Variants in ARID4B observed in about 807,000 individuals in gnomAD.
The protein encoded by ARID4B is AT-rich interactive domain-containing protein 4B.
A neutral mutation model predicts 147.5 loss-of-function variants in ARID4B; 26 were observed. The observed-to-expected ratio is 0.18, with a 90% CI of 0.13 to 0.24. The LOEUF is 0.24. ARID4B is among the 10% of genes least tolerant of loss of function. ARID4B has a pLI of 1.00. For synonymous variants in ARID4B, 512 were observed against 507.9 expected, an observed-to-expected ratio of 1.01 and a Z score of -0.11; for missense variants, 1,179 against 1,511.5, an observed-to-expected ratio of 0.78 and a Z score of 3.65.
At chr1:235,302,930 T>TTC (rs1673283909) in intron 2 of ARID4B, among the ~76,000 whole-genome samples, 1 of 116,000 alleles carries the variant, frequency 8.6e-6, no homozygotes, top group Non-Finnish European at 1.9e-5. Flanking sequence ...TATTCTTCTT[T>TTC]TTTTCTTTTT....
At position 235,309,044 on chromosome 1, in the gene ARID4B, G is replaced by A. The variant is rs549466599; in HGVS notation, c.6+17870C>T. On this transcript the variant is annotated intron_variant, in intron 2 of 23. Coordinates refer to ENST00000264183, the MANE Select transcript of ARID4B (RefSeq NM_016374.6). ...TAGGAAGTGAGGAGCGCCTCTTCCC[G>A]GCCGCCATCCCATCTAGGAAGTGAG... Among the ~76,000 whole-genome samples, 236 of 150,870 alleles carry A rather than the reference G, an allele frequency of 1.6e-3. 2 individuals carry two copies. Among genetic ancestry groups the A allele is most frequent in the African/African-American group, 5.3e-3 (214 of 40,670 alleles).
Position 235,273,196 on chromosome 1 carries a change from C to T in ARID4B, c.7-12444G>A, listed in dbSNP as rs191387905. The stretch of plus-strand genomic sequence containing the variant: ...GGGACTACAGGCGTGCACCACCCCA[C>T]CCAGCTAATTTCATGTGTGTGTATT... On this transcript the variant is annotated intron_variant, in intron 2 of 23. Coordinates refer to ENST00000264183, the MANE Select transcript of ARID4B (RefSeq NM_016374.6). 1.5e-3 allele frequency among the ~76,000 whole-genome samples: 227 copies of T among 152,238 alleles called. 2 individuals are homozygous for T. The highest frequency in any genetic ancestry group is 0.011 in the Admixed American group (170 of 15,284).
chr1:235,308,115 CAG>C (rs1356861974), intron 2 of ARID4B, among the ~76,000 whole-genome samples: 2 of 93,200 alleles, frequency 2.1e-5, no homozygotes, highest in Non-Finnish European at 4.3e-5. Flanking sequence ...TGGAGGGGGA[CAG>C]AGTCTTGCAT....
chr1:235,209,808 C>T (rs1386437966), intron 17 of ARID4B, among the ~76,000 whole-genome samples: 1 of 152,088 alleles, frequency 6.6e-6, no homozygotes, highest in Non-Finnish European at 1.5e-5. Flanking sequence ...AGGTGATCTG[C>T]CCGCCTCGGC....
chr1:235,173,814 G>A (rs1181783922), intron 22 of ARID4B, among the ~76,000 whole-genome samples: 2,951 of 36,624 alleles, frequency 0.081, 115 homozygotes, highest in African/African-American at 0.11. Context: ...ATATATATAT[G>A]TATACCTAAA....
At chr1:235,176,515 G>T (rs960677157) in intron 21 of ARID4B, among the ~76,000 whole-genome samples, 1 of 132,262 alleles carries the variant, frequency 7.6e-6, no homozygotes, top group East Asian at 2.4e-4. Flanking sequence ...AGTAAAGGTA[G>T]ATAGCAGCAA....
intron 4 of ARID4B, 144 bp from the exon 5 acceptor site, chr1:235,255,894 G>A (rs957800948): frequency 1.8e-5 from 10 of 567,120 alleles, no homozygotes; most frequent in African/African-American, 7.8e-5. Flanking sequence ...AGCAGTTGGC[G>A]TGAGCACAGT....
chr1:235,314,670 ACAG>A (rs1674307372), intron 2 of ARID4B, among the ~76,000 whole-genome samples: 1 of 152,208 alleles, frequency 6.6e-6, no homozygotes, highest in South Asian at 2.1e-4. Flanking sequence ...GTTAGAAACA[ACAG>A]CAAGGTTCCT....
At position 235,182,508 on chromosome 1, in the gene ARID4B, CTCT is replaced by C; in HGVS notation, c.2408_2410del (p.Lys803del). 1 of 1,613,160 alleles carries C rather than the reference CTCT, an allele frequency of 6.2e-7. No individual in the cohort carries two copies. Among genetic ancestry groups the C allele is most frequent in the Non-Finnish European group, 8.5e-7 (1 of 1,179,792 alleles). The stretch of plus-strand genomic sequence containing the variant: ...TGTTGTGTCCTTCTTGACATCCTTT[CTCT>C]TTTTTGTGACTTCATCTTCTTCATA... On this transcript the variant is annotated inframe_deletion, in exon 20 of 24. Coordinates refer to ENST00000264183, the MANE Select transcript of ARID4B (RefSeq NM_016374.6).
At chr1:235,183,980 T>C (rs1333168383) in intron 19 of ARID4B, among the ~76,000 whole-genome samples, 1 of 152,070 alleles carries the variant, frequency 6.6e-6, no homozygotes, top group African/African-American at 2.4e-5. Context: ...GGTCTCGTCA[T>C]GTTGCCAAGG....
At chr1:235,270,750 GTTAT>G (rs1455364075) in intron 2 of ARID4B, among the ~76,000 whole-genome samples, 1 of 152,180 alleles carries the variant, frequency 6.6e-6, no homozygotes, top group East Asian at 1.9e-4. Flanking sequence ...TTGAGAAGAG[GTTAT>G]TTGTCATCTT....
intron 2 of ARID4B, among the ~76,000 whole-genome samples, chr1:235,270,611 T>C (rs1481753637): frequency 6.6e-6 from 1 of 152,246 alleles, no homozygotes; most frequent in African/African-American, 2.4e-5. Context: ...TAGAATTTTC[T>C]GCCTCGGCAA....
intron 17 of ARID4B, among the ~76,000 whole-genome samples, chr1:235,202,076 GC>G (rs1293985761): frequency 1.3e-5 from 2 of 149,990 alleles, no homozygotes; most frequent in African/African-American, 4.9e-5. Flanking sequence ...ATCTATCCTG[GC>G]TTTAACTGGT....
intron 2 of ARID4B, among the ~76,000 whole-genome samples, chr1:235,277,536 CAAAAA>C (rs576771466): frequency 1.5e-4 from 13 of 87,274 alleles, no homozygotes; most frequent in African/African-American, 5.8e-4. Context: ...GACTCCGTCT[CAAAAA>C]AAAAAAAAAA....
intron 10 of ARID4B, among the ~76,000 whole-genome samples, chr1:235,230,739 C>T (rs1044943159): frequency 2.6e-5 from 4 of 151,284 alleles, no homozygotes; most frequent in Non-Finnish European, 5.9e-5. Context: ...CTGGGCAACA[C>T]GGTGAAACCC....
intron 17 of ARID4B, among the ~76,000 whole-genome samples, chr1:235,200,467 T>C (rs532867131): frequency 6.6e-6 from 1 of 151,914 alleles, no homozygotes; most frequent in African/African-American, 2.4e-5. Flanking sequence ...CTCAAAAAAA[T>C]AAAATTCATG....
At position 235,251,261 on chromosome 1, in the gene ARID4B, G is replaced by A. The variant is rs140225322; in HGVS notation, c.354+1469C>T. 5.9e-3 allele frequency among the ~76,000 whole-genome samples: 898 copies of A among 151,830 alleles called. 2 individuals carry two copies. The highest frequency in any genetic ancestry group is 7.8e-3 in the Admixed American group (119 of 15,244). On this transcript the variant is annotated intron_variant, in intron 6 of 23. Transcript: ENST00000264183. The stretch of plus-strand genomic sequence containing the variant: ...CCTAAAACAAGAATAAGCAAGAGAA[G>A]TGCAAAACGACCAATTTGGGTAGAG...
chr1:235,300,361 G>A (rs1230097044), intron 2 of ARID4B, among the ~76,000 whole-genome samples: 1 of 151,624 alleles, frequency 6.6e-6, no homozygotes, highest in African/African-American at 2.4e-5. Context: ...AGGTTGTAGT[G>A]AGCCGAGATC....
chr1:235,309,429 G>A (rs1673863031), intron 2 of ARID4B, among the ~76,000 whole-genome samples: 1 of 147,910 alleles, frequency 6.8e-6, no homozygotes, highest in South Asian at 2.1e-4. Flanking sequence ...AGGTGGGGGG[G>A]TCAGCCCCCC....
Sources: gnomAD v4.1 joint callset for allele counts (sites outside exome capture counted in the v4.1 genomes callset) on GRCh38, gnomAD v4.1.1 for gene constraint, MANE v1.5 for transcripts, NCBI Gene and HGNC (gene_info 2026-07-23, HGNC 2026-07-21) for gene names.